ACACA: variants seen among roughly 807,000 people sequenced by gnomAD.
ACACA encodes acetyl-CoA carboxylase 1.
A neutral mutation model predicts 296.1 loss-of-function variants in ACACA; 103 were observed. The observed-to-expected ratio is 0.35, with a 90% CI of 0.30 to 0.41. The LOEUF is 0.41. Among genes scored for constraint, ACACA ranks in the 10% least tolerant of loss-of-function variants. The probability of loss-of-function intolerance (pLI) is 1.00; values close to 1 mark genes in which losing one functional copy is unlikely to be tolerated. For missense variants in ACACA, 1,554 were observed against 2,989.7 expected, an observed-to-expected ratio of 0.52 and a Z score of 11.20; for synonymous variants, 953 against 1,038.6, an observed-to-expected ratio of 0.92 and a Z score of 1.58.
intron 41 of ACACA, among the ~76,000 whole-genome samples, chr17:37,168,183 G>A (rs943161112): frequency 4.6e-5 from 7 of 152,126 alleles, no homozygotes; most frequent in Non-Finnish European, 8.8e-5. Flanking sequence ...TTGTTGTAAG[G>A]ATTAAATACA....
At chr17:37,128,059 A>AAAAAAGAG (rs2074906356) in intron 47 of ACACA, among the ~76,000 whole-genome samples, 1 of 131,090 alleles carries the variant, frequency 7.6e-6, no homozygotes, top group Non-Finnish European at 1.7e-5. Context: ...AAAAAACAGT[A>AAAAAAGAG]GGAAGAAGAT....
intron 52 of ACACA, among the ~76,000 whole-genome samples, chr17:37,100,277 T>G (rs1321677455): frequency 6.6e-6 from 1 of 152,232 alleles, no homozygotes; most frequent in Admixed American, 6.5e-5. Flanking sequence ...ACAAATCACT[T>G]ATTAATTACA....
intron 1 of ACACA, among the ~76,000 whole-genome samples, chr17:37,348,068 G>A (rs528025893): frequency 1.4e-4 from 21 of 151,732 alleles, no homozygotes; most frequent in Non-Finnish European, 2.6e-4. Flanking sequence ...AGCTACTTGG[G>A]AGGCTGAGGC....
intron 1 of ACACA, among the ~76,000 whole-genome samples, chr17:37,377,659 C>A (rs1597739617): frequency 7.0e-6 from 1 of 143,550 alleles, no homozygotes; most frequent in African/African-American, 2.6e-5. Context: ...GACTCCGTCT[C>A]AATAAATAAA....
intron 11 of ACACA, among the ~76,000 whole-genome samples, chr17:37,262,803 C>A (rs544876124): frequency 6.6e-6 from 1 of 152,260 alleles, no homozygotes; most frequent in East Asian, 1.9e-4. Context: ...GATCAAGGCT[C>A]ACTGCAGCTT....
In ACACA at chr17:37,200,164, T is replaced by C. The variant is rs768234335; in HGVS notation, c.4133A>G (p.Asn1378Ser). Reference sequence around the variant, plus strand: ...ATGAAATCTCCGATCCACCTCATAGTTGACCTGCTTTCTGAAATCCTTTCA... The same window carrying C: ...ATGAAATCTCCGATCCACCTCATAGCTGACCTGCTTTCTGAAATCCTTTCA... ...VAQKDFRKQV[N>S]YEVDRRFHRE... Residue 1378 changes from asparagine to serine, a missense_variant, in exon 35 of 56, where the codon AAC becomes AGC. Physicochemically the swap from Asn to Ser is conservative, Grantham distance 46. Transcript: ENST00000616317. 5 of 1,608,706 alleles carry C rather than the reference T, an allele frequency of 3.1e-6. No individual in the cohort carries two copies. Among genetic ancestry groups the C allele is most frequent in the Non-Finnish European group, 4.3e-6 (5 of 1,175,280 alleles).
At chr17:37,148,649 A>G (rs1310208243) in intron 45 of ACACA, among the ~76,000 whole-genome samples, 5 of 152,254 alleles carry the variant, frequency 3.3e-5, no homozygotes, top group Admixed American at 6.5e-5. Context: ...TATTAACTCC[A>G]TAAGCTCAAT....
chr17:37,321,727 G>A (rs1359648635), intron 3 of ACACA, among the ~76,000 whole-genome samples: 4 of 151,392 alleles, frequency 2.6e-5, no homozygotes, highest in Non-Finnish European at 4.4e-5. Flanking sequence ...CAGCCTGGGC[G>A]ACAGAGCGAG....
At chr17:37,106,152 A>T (rs1301365522) in intron 52 of ACACA, among the ~76,000 whole-genome samples, 2 of 71,664 alleles carry the variant, frequency 2.8e-5, no homozygotes, top group African/African-American at 1.9e-4. Flanking sequence ...TAAGATAGGT[A>T]AAAAAAAAAA....
chr17:37,119,673 C>T (rs757546130), intron 50 of ACACA, among the ~76,000 whole-genome samples: 39 of 150,692 alleles, frequency 2.6e-4, no homozygotes, highest in South Asian at 6.3e-4. Context: ...GCCAAGGAGG[C>T]CTGGCCATAC....
rs1208398610 is a variant in ACACA at position 37,206,691 on chromosome 17, T to G, written c.3948+92A>C. ...AAAGTGGGGTAAAAGGATGAATTCT[T>G]TCCTATAATAGTTCAAAGTCAGAAA... On this transcript the variant is annotated intron_variant, in intron 32 of 55. Transcript: ENST00000616317. The G allele has an allele frequency of 3.7e-6, 4 of 1,073,182 alleles. No individual in the cohort carries two copies. The African/African-American group carries it at 6.3e-5, about 17-fold the overall frequency. 66.5% of individuals were successfully genotyped at this position (1,073,182 alleles called of 1,614,324 possible).
intron 52 of ACACA, among the ~76,000 whole-genome samples, chr17:37,100,642 A>C (rs1365761329): frequency 1.3e-5 from 2 of 152,076 alleles, no homozygotes; most frequent in Non-Finnish European, 2.9e-5. Context: ...AAAAAAAAAA[A>C]AAAAACTAAA....
Position 37,188,075 on chromosome 17 carries a change from A to G in ACACA, c.4776+202T>C, listed in dbSNP as rs566576149. ...TACATGACAAATGGTTAAGGGTTTT[A>G]TAACATCCATGATAGAGAACATAGG... On this transcript the variant is annotated intron_variant, in intron 39 of 55. Coordinates refer to ENST00000616317, the MANE Select transcript of ACACA (RefSeq NM_198834.3). Among the ~76,000 whole-genome samples, 115 of 152,364 alleles carry G rather than the reference A, an allele frequency of 7.5e-4. 1 individual carries two copies. The highest frequency in any genetic ancestry group is 2.6e-3 in the African/African-American group (110 of 41,584).
chr17:37,182,700 T>C (rs547196954), intron 39 of ACACA, among the ~76,000 whole-genome samples: 57 of 152,338 alleles, frequency 3.7e-4, no homozygotes, highest in Non-Finnish European at 6.9e-4. Context: ...TGTGTATACC[T>C]ACATATCTAT....
At chr17:37,171,659 C>A (rs1018005967) in intron 41 of ACACA, among the ~76,000 whole-genome samples, 1 of 147,644 alleles carries the variant, frequency 6.8e-6, no homozygotes, top group Non-Finnish European at 1.5e-5. Context: ...CTCTAAACAG[C>A]GATAAAAGGG....
Position 37,235,055 on chromosome 17 carries a change from T to G in ACACA, c.3166A>C (p.Ser1056Arg). The stretch of plus-strand genomic sequence containing the variant: ...TAGTTCAGTACAGTGTTCATGTCAC[T>G]TTTATTCTCTTCTCGGAGGGCGAAT... Reference protein sequence around the residue: ...CVFALREENKSDMNTVLNYIF... With the variant: ...CVFALREENKRDMNTVLNYIF... The change falls in exon 25 of 56, where the codon AGT becomes CGT. Residue 1056 changes from serine (S) to arginine (R), a missense_variant. Physicochemically the swap from Ser to Arg is moderately radical, Grantham distance 110. Around this residue, in one of 16 missense-constraint regions of ACACA, gnomAD observed 316 missense variants for 540.9 expected, o/e 0.58. Coordinates refer to ENST00000616317, the MANE Select transcript of ACACA (RefSeq NM_198834.3). 1 of 1,613,878 alleles carries G rather than the reference T, an allele frequency of 6.2e-7. No homozygotes were observed. Among genetic ancestry groups the G allele is most frequent in the South Asian group, 1.1e-5 (1 of 91,074 alleles).
intron 47 of ACACA, among the ~76,000 whole-genome samples, chr17:37,127,922 C>CA (rs1272353113): frequency 1.0e-4 from 12 of 117,674 alleles, no homozygotes; most frequent in South Asian, 5.7e-4. Context: ...AATCATGGCA[C>CA]AAAAAAAAGG....
In ACACA at chr17:37,210,751, C is replaced by CAAAA. The variant is rs57591064; in HGVS notation, c.3684-265_3684-262dup. On this transcript the variant is annotated intron_variant, in intron 29 of 55. Coordinates refer to ENST00000616317, the MANE Select transcript of ACACA (RefSeq NM_198834.3). ...TGGATTTTAAAAATAGCTCTATTAC[C>CAAAA]AAAAAAAAAAAAAAAAAAAAAAAAA... 7.6e-3 allele frequency among the ~76,000 whole-genome samples: 549 copies of CAAAA among 72,390 alleles called. 9 individuals are homozygous for CAAAA. Among genetic ancestry groups the CAAAA allele is most frequent in the Non-Finnish European group, 0.013 (440 of 34,762 alleles). 47.5% of individuals were successfully genotyped at this position (72,390 alleles called of 152,430 possible). A position where few individuals can be genotyped will look rare whatever the true frequency, so the allele number is the denominator to read the frequency against.
chr17:37,303,285 A>G (rs1395667771), intron 3 of ACACA, among the ~76,000 whole-genome samples: 23 of 152,174 alleles, frequency 1.5e-4, no homozygotes, highest in Admixed American at 1.5e-3. Context: ...GGCTTCTTTC[A>G]TTTAGCATAA....
Sources: gnomAD v4.1 joint callset for allele counts (sites outside exome capture counted in the v4.1 genomes callset) on GRCh38, gnomAD v4.1.1 for gene constraint, gnomAD v4.1.1 regional missense constraint, MANE v1.5 for transcripts, NCBI Gene and HGNC (gene_info 2026-07-23, HGNC 2026-07-21) for gene names.